BICRA: variants seen among roughly 807,000 people sequenced by gnomAD.
The protein encoded by BICRA is BRD4 interacting chromatin remodeling complex associated protein.
Under a neutral mutation model 96.9 loss-of-function variants are expected in BICRA, and 31 were observed. The ratio of observed to expected loss-of-function variants is 0.32; its 90% confidence interval spans 0.24 to 0.43. The LOEUF (loss-of-function observed/expected upper bound fraction) is 0.43, where lower values mean the gene tolerates loss of function less well. Ranked by LOEUF, BICRA falls within the 20% of genes least tolerant of loss-of-function variation. The probability of loss-of-function intolerance (pLI) is 1.00; values close to 1 mark genes in which losing one functional copy is unlikely to be tolerated. For missense variants in BICRA, 2,283 were observed against 2,190.3 expected (o/e 1.04, Z -0.84); for synonymous variants, 1,350 against 1,071.8 (o/e 1.26, Z -5.07).
At chr19:47,632,646 A>G (rs1160133144) in intron 1 of BICRA, among the ~76,000 whole-genome samples, 2 of 152,136 alleles carry the variant, frequency 1.3e-5, no homozygotes, top group African/African-American at 4.8e-5. Context: ...GGGTCAAATA[A>G]TAGTACCGCC....
At chr19:47,678,163 T>A (rs2123582752) in intron 5 of BICRA, among the ~76,000 whole-genome samples, 1 of 152,332 alleles carries the variant, frequency 6.6e-6, no homozygotes, top group East Asian at 1.9e-4. Flanking sequence ...TCACCCAGGC[T>A]GGAGGGCATT....
At chr19:47,611,123 G>C (rs1390728845) in intron 1 of BICRA, among the ~76,000 whole-genome samples, 1 of 152,070 alleles carries the variant, frequency 6.6e-6, no homozygotes, top group Non-Finnish European at 1.5e-5. Context: ...GGGTCACACA[G>C]AGCCCCAATT....
intron 1 of BICRA, among the ~76,000 whole-genome samples, chr19:47,611,228 C>A (rs776691073): frequency 1.3e-5 from 2 of 152,120 alleles, no homozygotes; most frequent in Non-Finnish European, 1.5e-5. Context: ...CTTCAGTGGA[C>A]CTGGTTCGGA....
intron 11 of BICRA, among the ~76,000 whole-genome samples, chr19:47,696,826 C>T (rs1393217381): frequency 6.6e-6 from 1 of 151,366 alleles, no homozygotes; most frequent in Non-Finnish European, 1.5e-5. Context: ...GTGCTGAGCC[C>T]CACTGGGTGG....
intron 1 of BICRA, among the ~76,000 whole-genome samples, chr19:47,609,398 T>C (rs1197719347): frequency 7.9e-5 from 5 of 62,990 alleles, no homozygotes; most frequent in East Asian, 9.0e-4. Flanking sequence ...TTTTTTTTTT[T>C]CCTGCTCGGC....
intron 5 of BICRA, 105 bp downstream of exon 5, chr19:47,676,021 T>C: frequency 1.6e-6 from 1 of 644,722 alleles, no homozygotes; most frequent in Non-Finnish European, 2.7e-6. Flanking sequence ...GTGAGGGCTG[T>C]TGACAGGAGG....
At chr19:47,630,712 C>T (rs1972210017) in intron 1 of BICRA, among the ~76,000 whole-genome samples, 1 of 152,166 alleles carries the variant, frequency 6.6e-6, no homozygotes, top group African/African-American at 2.4e-5. Context: ...AACGACGTTG[C>T]TGTGAACATA....
intron 1 of BICRA, among the ~76,000 whole-genome samples, chr19:47,667,803 AC>A (rs2013803191): frequency 6.6e-6 from 1 of 151,946 alleles, no homozygotes; most frequent in African/African-American, 2.4e-5. Context: ...CACCCCCATC[AC>A]CCAGCCTCGC....
intron 2 of BICRA, among the ~76,000 whole-genome samples, chr19:47,670,967 G>C (rs1053998038): frequency 6.6e-6 from 1 of 152,076 alleles, no homozygotes; most frequent in Non-Finnish European, 1.5e-5. Flanking sequence ...GCACCTCCCC[G>C]GGGACACTCC....
chr19:47,679,037 A>G (rs1030677252), intron 5 of BICRA: 2 of 290,068 alleles, frequency 6.9e-6, no homozygotes, highest in African/African-American at 4.4e-5. Context: ...AGTAGCTAAG[A>G]CCACAGGCAC....
intron 1 of BICRA, among the ~76,000 whole-genome samples, chr19:47,609,683 C>T (rs986399373): frequency 1.3e-5 from 2 of 151,864 alleles, no homozygotes; most frequent in Non-Finnish European, 2.9e-5. Context: ...CACCGGGCAG[C>T]GGGCGGTGAT....
At chr19:47,641,647 T>G (rs1016525569) in intron 1 of BICRA, among the ~76,000 whole-genome samples, 24 of 152,108 alleles carry the variant, frequency 1.6e-4, no homozygotes, top group African/African-American at 5.6e-4. Flanking sequence ...TCAAAAAATA[T>G]AAAATAAAAT....
chr19:47,615,549 G>C (rs567799864), intron 1 of BICRA: 1 of 152,652 alleles, frequency 6.6e-6, no homozygotes, highest in Non-Finnish European at 1.5e-5. Flanking sequence ...CTGTGGACAG[G>C]GGACTTGCTT....
Position 47,701,694 on chromosome 19 carries a change from T to C in BICRA, c.3962T>C (p.Val1321Ala). 1 of 1,602,348 alleles carries C rather than the reference T, an allele frequency of 6.2e-7. No individual in the cohort carries two copies. Among genetic ancestry groups the C allele is most frequent in the Non-Finnish European group, 8.5e-7 (1 of 1,175,748 alleles). The part of the protein sequence containing the change: ...KIKQEAGLSK[V>A]VHNTALDPVH... ...AAGCAGGAAGCCGGGCTCAGCAAGG[T>C]CGTGCACAACACGGCCCTGGACCCC... Residue 1321 changes from valine to alanine, a missense_variant, in exon 15 of 15, where the codon GTC becomes GCC. By Grantham distance (64) the Val-to-Ala change is moderately conservative (BLOSUM62 0). Coordinates refer to ENST00000594866, the MANE Select transcript of BICRA (RefSeq NM_001394372.1). This position sits in a 1 kb window ranked among gnomAD's most constrained non-coding sequence, Gnocchi z 5.4.
intron 1 of BICRA, among the ~76,000 whole-genome samples, chr19:47,611,970 A>G (rs539357317): frequency 6.6e-6 from 1 of 151,720 alleles, no homozygotes; most frequent in East Asian, 1.9e-4. Flanking sequence ...TCCCAGGTTC[A>G]AGCGATTGTC....
rs1290881650 is a variant in BICRA at position 47,680,327 on chromosome 19, C to T, written c.1157C>T (p.Ala386Val). The change falls in exon 6 of 15, where the codon GCG (alanine) becomes GTG (valine). Residue 386 changes from alanine (A) to valine (V), a missense_variant. Ala to Val is a moderately conservative substitution (Grantham distance 64, BLOSUM62 0). Transcript: ENST00000594866. ...CTCACCATCCAGGGCGAGCCGGGGG[C>T]GCTCCCGCAGCAGCCCAAGGCCCCG... ...ATLTIQGEPG[A>V]LPQQPKAPQN... 5.2e-6 allele frequency: 8 copies of T among 1,537,752 alleles called. No homozygotes were observed. The highest frequency in any genetic ancestry group is 7.0e-6 in the Non-Finnish European group (8 of 1,148,864).
chr19:47,650,119 A>AT (rs1366196080), intron 1 of BICRA, among the ~76,000 whole-genome samples: 1 of 151,540 alleles, frequency 6.6e-6, no homozygotes, highest in South Asian at 2.1e-4. Flanking sequence ...TGCCTGGCTA[A>AT]TTTTTTTGTT....
intron 1 of BICRA, among the ~76,000 whole-genome samples, chr19:47,665,219 C>T (rs932402847): frequency 6.6e-6 from 1 of 152,170 alleles, no homozygotes; most frequent in Non-Finnish European, 1.5e-5. Context: ...TAGGTGCCTA[C>T]TAAATGTACA....
At position 47,698,236 on chromosome 19, in the gene BICRA, C is replaced by T. The variant is rs1461644976; in HGVS notation, c.3249-398C>T. Among the ~76,000 whole-genome samples the T allele has an allele frequency of 2.0e-5, 3 of 152,160 alleles. No individual in the cohort carries two copies. Among genetic ancestry groups the T allele is most frequent in the South Asian group, 2.1e-4 (1 of 4,826 alleles). The stretch of plus-strand genomic sequence containing the variant: ...CGTGAGAAGACAGGATCCAGCCTCC[C>T]TCCCTTCTTCCCGAAGGCTGCACTT... On this transcript the variant is annotated intron_variant, in intron 11 of 14. Transcript: ENST00000594866. The surrounding 1 kb of genome is among the most constrained non-coding windows in gnomAD (Gnocchi z 4.8).
Sources: gnomAD v4.1 joint callset for allele counts (sites outside exome capture counted in the v4.1 genomes callset) on GRCh38, gnomAD v4.1.1 for gene constraint, Gnocchi (gnomAD v3.1) non-coding constraint, MANE v1.5 for transcripts, NCBI Gene and HGNC (gene_info 2026-07-23, HGNC 2026-07-21) for gene names.